The following CACNA1D variants were observed in gnomAD, a reference collection of about 807,000 sequenced individuals.
CACNA1D encodes the protein calcium voltage-gated channel subunit alpha1 D, also known as voltage-dependent L-type calcium channel subunit alpha-1D.
CACNA1D carries 55 observed loss-of-function variants against 257.1 expected under a neutral mutation model. The observed-to-expected ratio is 0.21, with a 90% confidence interval of 0.17 to 0.27. The LOEUF (loss-of-function observed/expected upper bound fraction) is 0.27. Ranked by LOEUF, CACNA1D falls within the 10% of genes least tolerant of loss-of-function variation. The pLI is 1.00. For synonymous variants in CACNA1D, 980 were observed against 1,014.9 expected (o/e 0.97, Z 0.65); for missense variants, 1,876 against 2,784.0 (o/e 0.67, Z 7.34).
At position 53,731,062 on chromosome 3, in the gene CACNA1D, T is replaced by C; in HGVS notation, c.2337-15T>C. The stretch of plus-strand genomic sequence containing the variant: ...TGGTTATTTGGTTTCTTGTGCTCTT[T>C]TCTCTTCTCTTTAGAAAAGAGAGCC... On this transcript the variant is annotated splice_polypyrimidine_tract_variant and intron_variant, in intron 16 of 47. Coordinates refer to ENST00000350061, the MANE Select transcript of CACNA1D (RefSeq NM_001128840.3). 1.3e-6 allele frequency: 2 copies of C among 1,555,144 alleles called. No individual in the cohort carries two copies. The highest frequency in any genetic ancestry group is 1.8e-6 in the Non-Finnish European group (2 of 1,126,728).
At chr3:53,610,626 G>A (rs1173582842) in intron 3 of CACNA1D, among the ~76,000 whole-genome samples, 2 of 152,116 alleles carry the variant, frequency 1.3e-5, no homozygotes, top group African/African-American at 4.8e-5. Flanking sequence ...TGAAGTGTTT[G>A]TGTCATTTAT....
intron 29 of CACNA1D, among the ~76,000 whole-genome samples, chr3:53,758,657 G>A (rs1248398509): frequency 6.6e-6 from 1 of 152,198 alleles, no homozygotes; most frequent in African/African-American, 2.4e-5. Flanking sequence ...AGTCAGAAAT[G>A]TTTCTGCGCA....
At chr3:53,690,659 C>T (rs1246620190) in intron 8 of CACNA1D, among the ~76,000 whole-genome samples, 1 of 152,162 alleles carries the variant, frequency 6.6e-6, no homozygotes, top group Non-Finnish European at 1.5e-5. Context: ...CCGTGGCCTG[C>T]GAGTGGGATT....
At chr3:53,593,843 G>A (rs761902303) in intron 3 of CACNA1D, among the ~76,000 whole-genome samples, 5 of 152,186 alleles carry the variant, frequency 3.3e-5, no homozygotes, top group Admixed American at 1.3e-4. Flanking sequence ...AATGTGGCCC[G>A]TGTACTGCCT....
intron 3 of CACNA1D, among the ~76,000 whole-genome samples, chr3:53,631,147 T>C (rs2093818768): frequency 6.6e-6 from 1 of 152,194 alleles, no homozygotes; most frequent in Non-Finnish European, 1.5e-5. Context: ...AGATTCTTCC[T>C]TTCATGAAAG....
chr3:53,598,842 T>G (rs1466311193), intron 3 of CACNA1D, among the ~76,000 whole-genome samples: 1 of 152,168 alleles, frequency 6.6e-6, no homozygotes, highest in Non-Finnish European at 1.5e-5. Context: ...AGAGACTGGG[T>G]CTTGACATGG....
chr3:53,803,600 C>A (rs376301852), intron 44 of CACNA1D, 28 bp downstream of exon 44: 6 of 1,610,546 alleles, frequency 3.7e-6, no homozygotes, highest in Non-Finnish European at 5.1e-6. Flanking sequence ...CTGTGGAGAG[C>A]GGGAGGCCGC....
chr3:53,703,724 C>T (rs1028639517), intron 9 of CACNA1D, among the ~76,000 whole-genome samples: 5 of 152,208 alleles, frequency 3.3e-5, no homozygotes, highest in African/African-American at 1.2e-4. Context: ...CCGAGCAAGT[C>T]CCTGCTTGAG....
chr3:53,672,320 C>T (rs2094330652), intron 7 of CACNA1D, among the ~76,000 whole-genome samples: 1 of 152,198 alleles, frequency 6.6e-6, no homozygotes, highest in African/African-American at 2.4e-5. Flanking sequence ...AGCCCATTCC[C>T]CAAAGAGCCC....
At chr3:53,630,208 A>T (rs6780679) in intron 3 of CACNA1D, among the ~76,000 whole-genome samples, 6,416 of 152,338 alleles carry the variant, frequency 0.042, 442 homozygotes, top group African/African-American at 0.15. Context: ...ACTGATCAGC[A>T]TATCCACTTG....
chr3:53,685,303 CA>C (rs2094464949), intron 8 of CACNA1D, among the ~76,000 whole-genome samples: 1 of 152,142 alleles, frequency 6.6e-6, no homozygotes, highest in South Asian at 2.1e-4. Context: ...CACCTAAATA[CA>C]GCTTGAGAGT....
chr3:53,723,728 C>A lies in CACNA1D; in HGVS notation c.1893-64C>A. Reference sequence around the variant, plus strand: ...GGCGGCAACCAGTCACATCCCCGGGCAGGTGATGTTCTGCTCTGTCCTGCA... The same window carrying A: ...GGCGGCAACCAGTCACATCCCCGGGAAGGTGATGTTCTGCTCTGTCCTGCA... On this transcript the variant is annotated intron_variant, in intron 13 of 47. Transcript: ENST00000350061. The surrounding 1 kb of genome is among the most constrained non-coding windows in gnomAD (Gnocchi z 5.6). The A allele has an allele frequency of 6.3e-7, 1 of 1,585,256 alleles. No homozygotes were observed. The highest frequency in any genetic ancestry group is 8.7e-7 in the Non-Finnish European group (1 of 1,153,704).
Position 53,811,462 on chromosome 3 carries a change from G to C in CACNA1D, c.*56G>C. ...TCAGGTGGGGCGCAGGAGAGCCAGG[G>C]GAAAAGTGCCTCATAGTTAGGAAAG... On this transcript the variant is annotated 3_prime_UTR_variant, in exon 48 of 48. Coordinates refer to ENST00000350061, the MANE Select transcript of CACNA1D (RefSeq NM_001128840.3). This position sits in a 1 kb window ranked among gnomAD's most constrained non-coding sequence, Gnocchi z 4.2. 7.7e-6 allele frequency: 11 copies of C among 1,429,152 alleles called. No homozygotes were observed. The highest frequency in any genetic ancestry group is 9.4e-6 in the Non-Finnish European group (10 of 1,068,568). 88.5% of individuals were successfully genotyped at this position (1,429,152 alleles called of 1,614,324 possible). A position where few individuals can be genotyped will look rare whatever the true frequency, so the allele number is the denominator to read the frequency against.
At chr3:53,760,731 A>T (rs1251455882) in intron 29 of CACNA1D, among the ~76,000 whole-genome samples, 1 of 152,190 alleles carries the variant, frequency 6.6e-6, no homozygotes, top group Admixed American at 6.5e-5. Context: ...AATTGTGGGG[A>T]TGTTGTACCC....
chr3:53,778,263 C>T (rs780358236), intron 37 of CACNA1D, among the ~76,000 whole-genome samples: 3 of 152,164 alleles, frequency 2.0e-5, no homozygotes, highest in Non-Finnish European at 4.4e-5. Context: ...AGTGTGGGAT[C>T]CCGTTCACTG....
At chr3:53,585,768 C>G (rs2093204756) in intron 3 of CACNA1D, among the ~76,000 whole-genome samples, 2 of 152,136 alleles carry the variant, frequency 1.3e-5, no homozygotes, top group Admixed American at 6.5e-5. Flanking sequence ...CAGGGCTGTA[C>G]CTTTCACGAA....
intron 8 of CACNA1D, among the ~76,000 whole-genome samples, chr3:53,693,563 C>G (rs1286693536): frequency 6.6e-6 from 1 of 151,060 alleles, no homozygotes; most frequent in Non-Finnish European, 1.5e-5. Context: ...TTCTTTGAAT[C>G]AAACTACATT....
chr3:53,651,361 A>ATTTTTTTTTTTT (rs1576235107), intron 4 of CACNA1D, among the ~76,000 whole-genome samples: 5 of 57,150 alleles, frequency 8.7e-5, no homozygotes, highest in African/African-American at 3.9e-4. Context: ...AAAGCTATTA[A>ATTTTTTTTTTTT]TTTTCTTTTT....
Position 53,811,323 on chromosome 3 carries a change from C to T in CACNA1D, c.6403C>T (p.Pro2135Ser). ...RQDYELQDFG[P>S]GYSDEEPDPG... ...GGACTATGAGCTACAGGACTTTGGT[C>T]CTGGCTACAGCGACGAAGAGCCAGA... The change falls in exon 48 of 48, where the codon CCT becomes TCT. Residue 2135 changes from proline to serine, a missense_variant. Pro to Ser is a moderately conservative substitution (Grantham distance 74). Around this residue, in one of 10 missense-constraint regions of CACNA1D, gnomAD observed 491 missense variants for 554.3 expected, o/e 0.89. Transcript: ENST00000350061. This position sits in a 1 kb window ranked among gnomAD's most constrained non-coding sequence, Gnocchi z 4.2. 1.2e-6 allele frequency: 2 copies of T among 1,610,590 alleles called. No homozygotes were observed. Among genetic ancestry groups the T allele is most frequent in the Non-Finnish European group, 1.7e-6 (2 of 1,177,582 alleles).
Sources: allele counts gnomAD v4.1 joint callset (sites outside exome capture counted in the v4.1 genomes callset), GRCh38; gene constraint gnomAD v4.1.1; regional missense constraint gnomAD v4.1.1; non-coding constraint Gnocchi (gnomAD v3.1); transcripts MANE v1.5; gene names NCBI Gene and HGNC (gene_info 2026-07-23, HGNC 2026-07-21).